The following TLNRD1 variants were observed in gnomAD, a reference collection of about 807,000 sequenced individuals.
TLNRD1 encodes the protein talin rod domain-containing protein 1.
TLNRD1 carries 14 observed loss-of-function variants against 19.5 expected under a neutral mutation model. The observed-to-expected ratio is 0.72, with a 90% confidence interval of 0.47 to 1.12. The LOEUF (loss-of-function observed/expected upper bound fraction) is 1.12. TLNRD1 is among the 50% of genes most tolerant of loss of function. The pLI, the probability that TLNRD1 is intolerant of heterozygous loss-of-function variation, is 0.00. For missense variants in TLNRD1, 569 were observed against 531.9 expected, an observed-to-expected ratio of 1.07 and a Z score of -0.69; for synonymous variants, 345 against 261.7, an observed-to-expected ratio of 1.32 and a Z score of -3.07.
rs1292915739 is a variant in TLNRD1, at chr15:81,003,378, C to A, written c.*18C>A. ...TGAATTAGCACCCCACCCCCATACC[C>A]CTTCTTCCACCCCCAGACTAAAGGA... On this transcript the variant is annotated 3_prime_UTR_variant, in exon 1 of 1. Coordinates refer to ENST00000267984, the MANE Select transcript of TLNRD1 (RefSeq NM_022566.3). 1.3e-6 allele frequency: 2 copies of A among 1,570,658 alleles called. No homozygotes were observed. Among genetic ancestry groups the A allele is most frequent in the Non-Finnish European group, 8.7e-7 (1 of 1,152,358 alleles).
Position 81,003,795 on chromosome 15 carries a change from T to A in TLNRD1, c.*435T>A, listed in dbSNP as rs1283371235. 5.9e-6 allele frequency: 1 copy of A among 170,470 alleles called. No individual in the cohort carries two copies. Among genetic ancestry groups the A allele is most frequent in the Non-Finnish European group, 1.4e-5 (1 of 70,780 alleles). 10.6% of individuals were successfully genotyped at this position (170,470 alleles called of 1,614,324 possible). ...CTACCTTTTTTTGTATGTCTTTTTT[T>A]TTTTTAAGCAATCGTGTTGAATTAG... On this transcript the variant is annotated 3_prime_UTR_variant, in exon 1 of 1. Coordinates refer to ENST00000267984, the MANE Select transcript of TLNRD1 (RefSeq NM_022566.3).
In TLNRD1 at chr15:81,002,202, GGCGGCAGTGGCCGCGGCA is replaced by G; in HGVS notation, c.-64_-47del. On this transcript the variant is annotated 5_prime_UTR_variant, in exon 1 of 1. Coordinates refer to ENST00000267984, the MANE Select transcript of TLNRD1 (RefSeq NM_022566.3). ...GCTGAGTCGCGACGGCCGCCGGGGC[GGCGGCAGTGGCCGCGGCA>G]GCGGCGGTGGTAGCGGGCTCCCCAG... 1 of 1,211,088 alleles carries G rather than the reference GGCGGCAGTGGCCGCGGCA, an allele frequency of 8.3e-7. No individual in the cohort carries two copies. Among genetic ancestry groups the G allele is most frequent in the South Asian group, 4.2e-5 (1 of 23,812 alleles). The allele number at this position is 1,211,088 out of a possible 1,614,324, so 75.0% of individuals were successfully genotyped here.
chr15:81,003,356 A>G lies in TLNRD1; in HGVS notation c.1085A>G (p.Asn362Ser), dbSNP rs1893448747. Residue 362 changes from asparagine (N) to serine (S), a missense_variant, in exon 1 of 1, where the codon AAT becomes AGT. Coordinates refer to ENST00000267984, the MANE Select transcript of TLNRD1 (RefSeq NM_022566.3). ...CCGCCAGTGAATTCCAATTCTGTGA[A>G]TTAGCACCCCACCCCCATACCCCTT... ...TLPPVNSNSV[N>S] 6.3e-7 allele frequency: 1 copy of G among 1,594,560 alleles called. No homozygotes were observed. The highest frequency in any genetic ancestry group is 1.3e-5 in the African/African-American group (1 of 74,602).
In TLNRD1 at chr15:81,002,437, G is replaced by T; in HGVS notation, c.166G>T (p.Glu56Ter). 6.4e-7 allele frequency: 1 copy of T among 1,552,504 alleles called. No homozygotes were observed. The highest frequency in any genetic ancestry group is 1.2e-5 in the South Asian group (1 of 86,172). Residue 56 changes from glutamate to a stop codon, truncating the protein, a stop_gained, in exon 1 of 1, where the codon GAG becomes TAG. Coordinates refer to ENST00000267984, the MANE Select transcript of TLNRD1 (RefSeq NM_022566.3). LOFTEE classifies it high-confidence loss of function. ...LVADLLLLSS[E>*]ARPVLFEGPA... ...GGCTGACCTGCTGCTGCTGTCGAGC[G>T]AGGCGCGGCCCGTGCTCTTCGAGGG...
rs775052186 is a variant in TLNRD1 at position 81,002,829 on chromosome 15, C to G, written c.558C>G (p.Gly186=). ...AGCTGCTGCTGGAGGTGTCGCAGGGCCTGTCGCGCAACCTCAAGTTCCTGA... is the reference window on the plus strand; with the variant it reads ...AGCTGCTGCTGGAGGTGTCGCAGGGGCTGTCGCGCAACCTCAAGTTCCTGA... ...TPQLLLEVSQ[G]LSRNLKFLTD... is the part of the protein sequence containing the mutation. The change falls in exon 1 of 1, where the codon GGC becomes GGG. Residue 186 remains glycine, a synonymous_variant. Coordinates refer to ENST00000267984, the MANE Select transcript of TLNRD1 (RefSeq NM_022566.3). 1.3e-6 allele frequency: 2 copies of G among 1,589,486 alleles called. No homozygotes were observed. Among genetic ancestry groups the G allele is most frequent in the African/African-American group, 2.7e-5 (2 of 74,718 alleles).
At position 81,002,202 on chromosome 15, in the gene TLNRD1, GGCGGCAGTGGCC is replaced by G. The variant is rs1027494258; in HGVS notation, c.-62_-51del. 2.9e-4 allele frequency: 353 copies of G among 1,210,980 alleles called. No homozygotes were observed. Among genetic ancestry groups the G allele is most frequent in the Non-Finnish European group, 3.4e-4 (330 of 974,964 alleles). The allele number at this position is 1,210,980 out of a possible 1,614,324, so 75.0% of individuals were successfully genotyped here. On this transcript the variant is annotated 5_prime_UTR_variant, in exon 1 of 1. Coordinates refer to ENST00000267984, the MANE Select transcript of TLNRD1 (RefSeq NM_022566.3). ...GCTGAGTCGCGACGGCCGCCGGGGC[GGCGGCAGTGGCC>G]GCGGCAGCGGCGGTGGTAGCGGGCT...
In TLNRD1 at chr15:81,002,201, C is replaced by T. The variant is rs1003557142; in HGVS notation, c.-71C>T. The T allele has an allele frequency of 4.1e-5, 50 of 1,210,302 alleles. No homozygotes were observed. The highest frequency in any genetic ancestry group is 8.4e-5 in the South Asian group (2 of 23,818). The allele number at this position is 1,210,302 out of a possible 1,614,324, so 75.0% of individuals were successfully genotyped here. A position where few individuals can be genotyped will look rare whatever the true frequency, so the allele number is the denominator to read the frequency against. ...AGCTGAGTCGCGACGGCCGCCGGGGCGGCGGCAGTGGCCGCGGCAGCGGCG... is the reference window on the plus strand; with the variant it reads ...AGCTGAGTCGCGACGGCCGCCGGGGTGGCGGCAGTGGCCGCGGCAGCGGCG... On this transcript the variant is annotated 5_prime_UTR_variant, in exon 1 of 1. Transcript: ENST00000267984.
chr15:81,003,208 C>G lies in TLNRD1; in HGVS notation c.937C>G (p.Pro313Ala). ...TQCLRDLAQH[P>A]DGGAKMSDHR... ...GTGCCTCAGGGATCTGGCGCAGCAC[C>G]CCGACGGGGGCGCCAAGATGTCGGA... Residue 313 changes from proline (P) to alanine (A), a missense_variant, in exon 1 of 1, where the codon CCC becomes GCC. Physicochemically the swap from Pro to Ala is conservative, Grantham distance 27. Coordinates refer to ENST00000267984, the MANE Select transcript of TLNRD1 (RefSeq NM_022566.3). The G allele has an allele frequency of 6.3e-6, 10 of 1,597,672 alleles. No individual in the cohort carries two copies. Among genetic ancestry groups the G allele is most frequent in the Non-Finnish European group, 7.7e-6 (9 of 1,172,674 alleles).
At position 81,000,954 on chromosome 15, in the gene TLNRD1, G is replaced by C. The variant is rs762814228; in HGVS notation, c.-1318G>C. On this transcript the variant is annotated 5_prime_UTR_variant, in exon 1 of 1. Coordinates refer to ENST00000267984, the MANE Select transcript of TLNRD1 (RefSeq NM_022566.3). ...TTTCTATAGGCTCCAGGGAGGTTAC[G>C]GCCGAGGCGGCGGCGGCGGCGAGCC... 6.4e-6 allele frequency: 1 copy of C among 156,282 alleles called. No homozygotes were observed. The highest frequency in any genetic ancestry group is 6.5e-5 in the Admixed American group (1 of 15,304). 9.7% of individuals were successfully genotyped at this position (156,282 alleles called of 1,614,324 possible).
In TLNRD1 at chr15:81,004,896, G is replaced by A. The variant is rs1047698862; in HGVS notation, c.*1536G>A. 7 of 167,010 alleles carry A rather than the reference G, an allele frequency of 4.2e-5. No individual in the cohort carries two copies. The highest frequency in any genetic ancestry group is 7.3e-5 in the Non-Finnish European group (5 of 68,106). The allele number at this position is 167,010 out of a possible 1,614,324, so 10.3% of individuals were successfully genotyped here. A position where few individuals can be genotyped will look rare whatever the true frequency, so the allele number is the denominator to read the frequency against. ...GGGAGAGCCACATGAGTAAAAACTC[G>A]TACGTGGTTTAGATTTGTTCCATTT... On this transcript the variant is annotated 3_prime_UTR_variant, in exon 1 of 1. Transcript: ENST00000267984.
rs1893438983 is a variant in TLNRD1, at chr15:81,002,963, G to C, written c.692G>C (p.Cys231Ser). ...ACCAGCGCGTCGGCGCTGCTGGCCT[G>C]CGTGCGCGAGGTGAAGGTGGCGCCC... is the stretch of plus-strand genomic sequence containing the variant. ...MSTSASALLA[C>S]VREVKVAPSE... Residue 231 changes from cysteine (C) to serine (S), a missense_variant, in exon 1 of 1, where the codon TGC becomes TCC. Physicochemically the swap from Cys to Ser is moderately radical, Grantham distance 112. Transcript: ENST00000267984. The C allele has an allele frequency of 6.3e-7, 1 of 1,586,726 alleles. No individual in the cohort carries two copies. The highest frequency in any genetic ancestry group is 2.3e-5 in the East Asian group (1 of 44,286).
rs1595891860 is a variant in TLNRD1, at chr15:81,005,454, C to T, written c.*2094C>T. The T allele has an allele frequency of 6.0e-6, 1 of 166,964 alleles. No individual in the cohort carries two copies. Among genetic ancestry groups the T allele is most frequent in the East Asian group, 1.9e-4 (1 of 5,202 alleles). 10.3% of individuals were successfully genotyped at this position (166,964 alleles called of 1,614,324 possible). A position where few individuals can be genotyped will look rare whatever the true frequency, so the allele number is the denominator to read the frequency against. On this transcript the variant is annotated 3_prime_UTR_variant, in exon 1 of 1. Transcript: ENST00000267984. ...ATGGTTCATTTTCATTTATCCTATG[C>T]AGATCACAAAGAGTAAACTGAAAGG... is the stretch of plus-strand genomic sequence containing the variant.
At position 81,003,029 on chromosome 15, in the gene TLNRD1, C is replaced by T; in HGVS notation, c.758C>T (p.Pro253Leu). 1 of 1,554,360 alleles carries T rather than the reference C, an allele frequency of 6.4e-7. No individual in the cohort carries two copies. Among genetic ancestry groups the T allele is most frequent in the Non-Finnish European group, 8.6e-7 (1 of 1,156,642 alleles). ...AGCCGCTGTGCGCTCTTCAGCGGGCCCCTGGTGCAGGCAGTGAGCGCCCTG... is the reference window on the plus strand; with the variant it reads ...AGCCGCTGTGCGCTCTTCAGCGGGCTCCTGGTGCAGGCAGTGAGCGCCCTG... The part of the protein sequence containing the change: ...ARSRCALFSG[P>L]LVQAVSALVG... The change falls in exon 1 of 1, where the codon CCC becomes CTC. Residue 253 changes from proline to leucine, a missense_variant. Transcript: ENST00000267984.
rs572914639 is a variant in TLNRD1 at position 81,003,484 on chromosome 15, T to C, written c.*124T>C. ...CCCTACCCTCCCCAACGTTAAATGC[T>C]CGAGAGGAATCTTCCACAAGGCAGG... On this transcript the variant is annotated 3_prime_UTR_variant, in exon 1 of 1. Transcript: ENST00000267984. The C allele has an allele frequency of 2.1e-4, 227 of 1,103,956 alleles. No individual in the cohort carries two copies. The highest frequency in any genetic ancestry group is 2.8e-4 in the Non-Finnish European group (219 of 785,140). 68.4% of individuals were successfully genotyped at this position (1,103,956 alleles called of 1,614,324 possible).
At position 81,002,551 on chromosome 15, in the gene TLNRD1, C is replaced by G; in HGVS notation, c.280C>G (p.His94Asp). The G allele has an allele frequency of 6.9e-7, 1 of 1,459,200 alleles. No individual in the cohort carries two copies. Among genetic ancestry groups the G allele is most frequent in the Non-Finnish European group, 9.0e-7 (1 of 1,110,536 alleles). The allele number at this position is 1,459,200 out of a possible 1,614,324, so 90.4% of individuals were successfully genotyped here. ...CACCAAGGGGCTCTCCATCCTCACC[C>G]ACGACGTGCAGAGCCAGCTCAACAT... Reference protein sequence around the residue: ...ARTKGLSILTHDVQSQLNMGR... With the variant: ...ARTKGLSILTDDVQSQLNMGR... The change falls in exon 1 of 1, where the codon CAC becomes GAC. Residue 94 changes from histidine (H) to aspartate (D), a missense_variant. Physicochemically the swap from His to Asp is moderately conservative, Grantham distance 81 (BLOSUM62 -1). Coordinates refer to ENST00000267984, the MANE Select transcript of TLNRD1 (RefSeq NM_022566.3).
rs762532190 is a variant in TLNRD1, at chr15:81,002,932, A to T, written c.661A>T (p.Met221Leu). Reference sequence around the variant, plus strand: ...GCAGTTCAAGCTGGGCGTCAAGTGCATGAGCACCAGCGCGTCGGCGCTGCT... The same window carrying T: ...GCAGTTCAAGCTGGGCGTCAAGTGCTTGAGCACCAGCGCGTCGGCGCTGCT... ...REQFKLGVKC[M>L]STSASALLAC... Residue 221 changes from methionine to leucine, a missense_variant, in exon 1 of 1, where the codon ATG becomes TTG. By Grantham distance (15) the Met-to-Leu change is conservative. Transcript: ENST00000267984. 1 of 1,596,410 alleles carries T rather than the reference A, an allele frequency of 6.3e-7. No homozygotes were observed. The highest frequency in any genetic ancestry group is 1.7e-5 in the Admixed American group (1 of 59,810).
Position 81,002,381 on chromosome 15 carries a change from G to T in TLNRD1, c.110G>T (p.Cys37Phe). 1 of 1,535,970 alleles carries T rather than the reference G, an allele frequency of 6.5e-7. No individual in the cohort carries two copies. The highest frequency in any genetic ancestry group is 2.6e-5 in the East Asian group (1 of 38,704). The change falls in exon 1 of 1, where the codon TGC becomes TTC. Residue 37 changes from cysteine to phenylalanine, a missense_variant. By Grantham distance (205) the Cys-to-Phe change is radical (BLOSUM62 -2). Transcript: ENST00000267984. Reference sequence around the variant, plus strand: ...CCGCGGAAGAGGCTGGTATCCGTCTGCGACCACTGCAAGGGCAAGATGCAG... The same window carrying T: ...CCGCGGAAGAGGCTGGTATCCGTCTTCGACCACTGCAAGGGCAAGATGCAG... ...SQPRKRLVSV[C>F]DHCKGKMQLV...
At position 81,003,023 on chromosome 15, in the gene TLNRD1, G is replaced by T; in HGVS notation, c.752G>T (p.Ser251Ile). 6.4e-7 allele frequency: 1 copy of T among 1,555,604 alleles called. No individual in the cohort carries two copies. The highest frequency in any genetic ancestry group is 8.6e-7 in the Non-Finnish European group (1 of 1,157,322). ...ELARSRCALF[S>I]GPLVQAVSAL... ...GCGCGCAGCCGCTGTGCGCTCTTCAGCGGGCCCCTGGTGCAGGCAGTGAGC... is the reference window on the plus strand; with the variant it reads ...GCGCGCAGCCGCTGTGCGCTCTTCATCGGGCCCCTGGTGCAGGCAGTGAGC... The change falls in exon 1 of 1, where the codon AGC (serine) becomes ATC (isoleucine). Residue 251 changes from serine to isoleucine, a missense_variant. Coordinates refer to ENST00000267984, the MANE Select transcript of TLNRD1 (RefSeq NM_022566.3).
chr15:81,002,422 C>T lies in TLNRD1; in HGVS notation c.151C>T (p.Leu51=), dbSNP rs1317296685. 4 of 1,555,846 alleles carry T rather than the reference C, an allele frequency of 2.6e-6. No individual in the cohort carries two copies. Among genetic ancestry groups the T allele is most frequent in the Non-Finnish European group, 3.5e-6 (4 of 1,157,970 alleles). Residue 51 remains leucine (L), a synonymous_variant, in exon 1 of 1, where the codon CTG becomes TTG. Coordinates refer to ENST00000267984, the MANE Select transcript of TLNRD1 (RefSeq NM_022566.3). ...KGKMQLVADL[L]LLSSEARPVL... is the part of the protein sequence containing the mutation. The stretch of plus-strand genomic sequence containing the variant: ...CAAGATGCAGCTGGTGGCTGACCTG[C>T]TGCTGCTGTCGAGCGAGGCGCGGCC...
Sources: allele counts gnomAD v4.1 joint callset, GRCh38; gene constraint gnomAD v4.1.1; transcripts MANE v1.5; gene names NCBI Gene and HGNC (gene_info 2026-07-23, HGNC 2026-07-21).